Variants in PCDH15 observed in about 807,000 individuals in gnomAD.
PCDH15 encodes the protein protocadherin related 15, also known as protocadherin-15.
Under a neutral mutation model 178.5 loss-of-function variants are expected in PCDH15, and 129 were observed. The ratio of observed to expected loss-of-function variants is 0.72; its 90% CI spans 0.63 to 0.84. The LOEUF is 0.84. Ranked by LOEUF, PCDH15 falls within the 40% of genes least tolerant of loss-of-function variation. The pLI is 0.00. For synonymous variants in PCDH15, 800 were observed against 732.0 expected (o/e 1.09, Z -1.50); for missense variants, 2,230 against 2,099.9 (o/e 1.06, Z -1.21).
intron 37 of PCDH15, among the ~76,000 whole-genome samples, chr10:53,807,820 T>C (rs1440381549): frequency 2.6e-5 from 4 of 152,266 alleles, no homozygotes; most frequent in East Asian, 1.9e-4. Flanking sequence ...AGCTAATTAT[T>C]ATACTAAACT....
chr10:54,715,123 G>A (rs946105661), intron 1 of PCDH15, among the ~76,000 whole-genome samples: 2 of 151,990 alleles, frequency 1.3e-5, no homozygotes, highest in African/African-American at 2.4e-5. Context: ...AAATATATCT[G>A]TTTTAGTTCA....
At chr10:54,325,161 C>T (rs907614063) in intron 7 of PCDH15, among the ~76,000 whole-genome samples, 1 of 151,966 alleles carries the variant, frequency 6.6e-6, no homozygotes, top group Admixed American at 6.6e-5. Flanking sequence ...TCAGTCAAAA[C>T]TCAATTACCT....
intron 5 of PCDH15, among the ~76,000 whole-genome samples, chr10:54,347,917 C>T (rs538708732): frequency 4.5e-4 from 68 of 152,142 alleles, no homozygotes; most frequent in African/African-American, 1.6e-3. Context: ...GGCACGGTCT[C>T]GGCTTACTGC....
At chr10:54,175,051 T>G (rs1720744937) in intron 13 of PCDH15, among the ~76,000 whole-genome samples, 1 of 152,202 alleles carries the variant, frequency 6.6e-6, no homozygotes, top group Non-Finnish European at 1.5e-5. Context: ...AAATTAAAAT[T>G]GTGTACTAAT....
intron 2 of PCDH15, among the ~76,000 whole-genome samples, chr10:55,378,528 A>G (rs1837453311): frequency 6.6e-6 from 1 of 152,182 alleles, no homozygotes; most frequent in East Asian, 1.9e-4. Context: ...GATATGCTTA[A>G]CTTTTTATGG....
intron 20 of PCDH15, among the ~76,000 whole-genome samples, chr10:54,002,794 C>A (rs1241419657): frequency 1.3e-5 from 2 of 151,822 alleles, no homozygotes; most frequent in Non-Finnish European, 2.9e-5. Context: ...GTTAACCACT[C>A]CAAGGGAGGA....
At chr10:54,410,673 C>T (rs142541780) in intron 3 of PCDH15, among the ~76,000 whole-genome samples, 2 of 152,220 alleles carry the variant, frequency 1.3e-5, no homozygotes, top group Admixed American at 6.5e-5. Flanking sequence ...ACAATGTACA[C>T]ATTTTCTGAG....
intron 13 of PCDH15, among the ~76,000 whole-genome samples, chr10:54,155,254 G>A (rs1216368525): frequency 6.6e-6 from 1 of 152,100 alleles, no homozygotes; most frequent in African/African-American, 2.4e-5. Flanking sequence ...GGATAAGCTG[G>A]ATGATAATTA....
intron 21 of PCDH15, among the ~76,000 whole-genome samples, chr10:53,966,694 T>G (rs2089056105): frequency 6.6e-6 from 1 of 152,002 alleles, no homozygotes; most frequent in Non-Finnish European, 1.5e-5. Flanking sequence ...ACTTGATCAC[T>G]TAAAATTATG....
intron 37 of PCDH15, chr10:53,809,012 CCT>C (rs2075765944): frequency 6.3e-7 from 1 of 1,584,148 alleles, no homozygotes; most frequent in Non-Finnish European, 8.6e-7. Context: ...TCTTGTGGCT[CCT>C]CTTTCCTACC....
chr10:54,743,719 C>T (rs1945107776), intron 1 of PCDH15, among the ~76,000 whole-genome samples: 1 of 151,846 alleles, frequency 6.6e-6, no homozygotes, highest in Admixed American at 6.6e-5. Context: ...ATGACATACA[C>T]TGTGCTCCTA....
chr10:54,278,157 A>G (rs1000338843), intron 8 of PCDH15, among the ~76,000 whole-genome samples: 1 of 151,552 alleles, frequency 6.6e-6, no homozygotes, highest in African/African-American at 2.4e-5. Flanking sequence ...AAATTTTTTT[A>G]TGTGTTAACT....
chr10:55,544,139 C>CATATATAT (rs1176456895), intron 2 of PCDH15, among the ~76,000 whole-genome samples: 2,763 of 53,544 alleles, frequency 0.052, 82 homozygotes, highest in Non-Finnish European at 0.068. Flanking sequence ...CTTATACATA[C>CATATATAT]ATATATATAT....
intron 3 of PCDH15, among the ~76,000 whole-genome samples, chr10:54,510,357 A>AT (rs2081543114): frequency 1.3e-5 from 2 of 152,206 alleles, no homozygotes; most frequent in South Asian, 4.1e-4. Flanking sequence ...GTACTTGAAC[A>AT]TAATTGGAGC....
intron 3 of PCDH15, among the ~76,000 whole-genome samples, chr10:54,446,947 T>C (rs1424960448): frequency 6.6e-6 from 1 of 151,618 alleles, no homozygotes; most frequent in Non-Finnish European, 1.5e-5. Flanking sequence ...CCCAGAAGTC[T>C]GGTTGCTCAG....
chr10:54,882,635 T>C (rs1407196992), intron 3 of PCDH15, among the ~76,000 whole-genome samples: 2 of 152,076 alleles, frequency 1.3e-5, no homozygotes, highest in Non-Finnish European at 2.9e-5. Context: ...TTCCTTATAA[T>C]GTTTTACTTA....
At chr10:54,125,802 T>C (rs1027902890) in intron 15 of PCDH15, among the ~76,000 whole-genome samples, 26 of 152,316 alleles carry the variant, frequency 1.7e-4, no homozygotes, top group African/African-American at 5.8e-4. Flanking sequence ...TTATTATTAA[T>C]ATTGATCTCT....
intron 8 of PCDH15, among the ~76,000 whole-genome samples, chr10:54,284,521 T>C (rs1485708005): frequency 6.6e-6 from 1 of 152,216 alleles, no homozygotes; most frequent in Non-Finnish European, 1.5e-5. Context: ...AGGAATTCGT[T>C]AGTCTATCAC....
At chr10:55,222,871 G>A (rs189112569) in intron 1 of PCDH15, among the ~76,000 whole-genome samples, 31 of 151,442 alleles carry the variant, frequency 2.0e-4, no homozygotes, top group African/African-American at 7.3e-4. Context: ...TGAGACCAAA[G>A]CATGAGTTAA....
Sources: allele counts gnomAD v4.1 joint callset (sites outside exome capture counted in the v4.1 genomes callset), GRCh38; gene constraint gnomAD v4.1.1; transcripts MANE v1.5; gene names NCBI Gene and HGNC (gene_info 2026-07-23, HGNC 2026-07-21).